Variants in PCCA observed in about 807,000 individuals in gnomAD.
PCCA encodes the protein propionyl-CoA carboxylase subunit alpha, also known as propionyl-CoA carboxylase alpha chain, mitochondrial.
In PCCA, 74 loss-of-function variants were observed where a neutral mutation model predicts 101.3. The observed-to-expected ratio is 0.73, with a 90% CI of 0.61 to 0.89. The LOEUF (loss-of-function observed/expected upper bound fraction) is 0.89. Ranked by LOEUF, PCCA falls within the 40% of genes least tolerant of loss-of-function variation. The probability of loss-of-function intolerance (pLI) is 0.00; values close to 1 mark genes in which losing one functional copy is unlikely to be tolerated. For synonymous variants in PCCA, 294 were observed against 313.6 expected, an observed-to-expected ratio of 0.94 and a Z score of 0.66; for missense variants, 891 against 907.0, an observed-to-expected ratio of 0.98 and a Z score of 0.23.
At chr13:100,485,714 A>C (rs1337958781) in intron 21 of PCCA, among the ~76,000 whole-genome samples, 1 of 152,196 alleles carries the variant, frequency 6.6e-6, no homozygotes, top group Non-Finnish European at 1.5e-5. Context: ...TGGGATCCAC[A>C]GTGGCTTGGG....
At chr13:100,317,408 G>T (rs1251260061) in intron 16 of PCCA, among the ~76,000 whole-genome samples, 2 of 152,100 alleles carry the variant, frequency 1.3e-5, no homozygotes, top group African/African-American at 2.4e-5. Context: ...GTATACCATC[G>T]AATCTGCCTG....
chr13:100,191,455 G>A (rs2057736512), intron 6 of PCCA, among the ~76,000 whole-genome samples: 1 of 152,154 alleles, frequency 6.6e-6, no homozygotes, highest in Admixed American at 6.6e-5. Context: ...TCCGTCCTAA[G>A]TGTCTTACAT....
intron 19 of PCCA, among the ~76,000 whole-genome samples, chr13:100,390,528 C>T (rs2076749627): frequency 6.6e-6 from 1 of 151,936 alleles, no homozygotes; most frequent in Admixed American, 6.6e-5. Context: ...AAAGATGAAA[C>T]CTTGAGGTAT....
intron 11 of PCCA, among the ~76,000 whole-genome samples, chr13:100,272,492 G>A (rs1375370773): frequency 1.3e-5 from 2 of 151,982 alleles, no homozygotes; most frequent in Non-Finnish European, 2.9e-5. Context: ...GTACTTCATG[G>A]CCTTCTTGCA....
intron 7 of PCCA, among the ~76,000 whole-genome samples, chr13:100,221,327 G>A (rs74113846): frequency 6.6e-6 from 1 of 152,184 alleles, no homozygotes; most frequent in Non-Finnish European, 1.5e-5. Flanking sequence ...GACCCCTGAG[G>A]GGGTCGCTCA....
At chr13:100,382,264 C>T (rs1370693872) in intron 19 of PCCA, among the ~76,000 whole-genome samples, 2 of 152,158 alleles carry the variant, frequency 1.3e-5, no homozygotes, top group Non-Finnish European at 2.9e-5. Context: ...GGTAGGTGAT[C>T]TTCCCCTGAA....
At chr13:100,524,963 C>T (rs1046286945) in intron 22 of PCCA, among the ~76,000 whole-genome samples, 3 of 138,166 alleles carry the variant, frequency 2.2e-5, no homozygotes, top group African/African-American at 5.4e-5. Flanking sequence ...TAGGATAGAC[C>T]GAGATTCTGT....
intron 12 of PCCA, among the ~76,000 whole-genome samples, chr13:100,297,341 G>C (rs1301115731): frequency 1.3e-5 from 2 of 152,192 alleles, no homozygotes; most frequent in Admixed American, 6.5e-5. Flanking sequence ...TGTATTTAGT[G>C]AGGAATAGGC....
At chr13:100,374,003 T>C (rs1217779752) in intron 19 of PCCA, among the ~76,000 whole-genome samples, 1 of 152,016 alleles carries the variant, frequency 6.6e-6, no homozygotes, top group East Asian at 1.9e-4. Context: ...TCCCAGCTAC[T>C]TGAGAGGCTG....
At chr13:100,172,283 A>T (rs1168419942) in intron 6 of PCCA, among the ~76,000 whole-genome samples, 1 of 152,028 alleles carries the variant, frequency 6.6e-6, no homozygotes, top group African/African-American at 2.4e-5. Context: ...AGGAAGTTTA[A>T]TGTCTTTGGT....
intron 7 of PCCA, among the ~76,000 whole-genome samples, chr13:100,234,559 G>T (rs939044963): frequency 1.3e-4 from 19 of 151,798 alleles, no homozygotes; most frequent in Middle Eastern, 6.4e-3. Context: ...GAGCAGACTG[G>T]CTAATGAAAG....
intron 10 of PCCA, among the ~76,000 whole-genome samples, chr13:100,268,243 A>G (rs1410812600): frequency 6.6e-6 from 1 of 152,222 alleles, no homozygotes; most frequent in Non-Finnish European, 1.5e-5. Flanking sequence ...TAGATAGATA[A>G]CAGATTACAT....
intron 4 of PCCA, among the ~76,000 whole-genome samples, chr13:100,132,411 C>G (rs79783738): frequency 4.9e-5 from 7 of 142,918 alleles, no homozygotes; most frequent in Non-Finnish European, 7.8e-5. Flanking sequence ...TTCCACACAG[C>G]GTGTAACCTT....
At chr13:100,221,926 A>G (rs1336090552) in intron 7 of PCCA, among the ~76,000 whole-genome samples, 1 of 151,840 alleles carries the variant, frequency 6.6e-6, no homozygotes, top group African/African-American at 2.4e-5. Flanking sequence ...TAGTAGAGAC[A>G]GGGTTTCGCC....
chr13:100,524,984 G>GATGGATGGATAGATAA (rs1434030600), intron 22 of PCCA, among the ~76,000 whole-genome samples: 6 of 38,780 alleles, frequency 1.5e-4, no homozygotes, highest in African/African-American at 5.0e-4. Flanking sequence ...CTCTAAGATG[G>GATGGATGGATAGATAA]ATAGATAGAT....
chr13:100,205,424 T>C (rs1312008389), intron 6 of PCCA, among the ~76,000 whole-genome samples: 1 of 152,092 alleles, frequency 6.6e-6, no homozygotes, highest in Non-Finnish European at 1.5e-5. Flanking sequence ...CCAAAACACA[T>C]TGATAAAAAG....
At chr13:100,117,327 T>C (rs1159423384) in intron 4 of PCCA, among the ~76,000 whole-genome samples, 1 of 152,216 alleles carries the variant, frequency 6.6e-6, no homozygotes, top group African/African-American at 2.4e-5. Flanking sequence ...TACTGTTATA[T>C]ACCAGTATAA....
intron 4 of PCCA, among the ~76,000 whole-genome samples, chr13:100,120,611 A>G (rs971338526): frequency 2.0e-5 from 3 of 152,148 alleles, no homozygotes; most frequent in East Asian, 3.8e-4. Flanking sequence ...TATAATGATG[A>G]GATTAATGTG....
chr13:100,523,315 T>C (rs1566507599), intron 22 of PCCA, among the ~76,000 whole-genome samples: 1 of 152,164 alleles, frequency 6.6e-6, no homozygotes, highest in African/African-American at 2.4e-5. Flanking sequence ...AAGAGTCCTC[T>C]GAAAATAAAT....
Sources: allele counts gnomAD v4.1 joint callset (sites outside exome capture counted in the v4.1 genomes callset), GRCh38; gene constraint gnomAD v4.1.1; transcripts MANE v1.5; gene names NCBI Gene and HGNC (gene_info 2026-07-23, HGNC 2026-07-21).